Variants in TSSK4 observed in about 807,000 individuals in gnomAD.
TSSK4 encodes the protein testis-specific serine/threonine-protein kinase 4.
Under a neutral mutation model 28.5 loss-of-function variants are expected in TSSK4, and 22 were observed. The ratio of observed to expected loss-of-function variants is 0.77; its 90% CI spans 0.55 to 1.10. The LOEUF is 1.10. TSSK4 is among the 50% of genes least tolerant of loss of function. The probability of loss-of-function intolerance (pLI) is 0.00; values close to 1 mark genes in which losing one functional copy is unlikely to be tolerated. For missense variants in TSSK4, 329 were observed against 415.4 expected (o/e 0.79, Z 1.81); for synonymous variants, 151 against 158.3 (o/e 0.95, Z 0.35).
At position 24,208,031 on chromosome 14, in the gene TSSK4, C is replaced by G. The variant is rs551364396; in HGVS notation, c.902C>G (p.Ser301Cys). 3.1e-6 allele frequency: 5 copies of G among 1,614,198 alleles called. No individual in the cohort carries two copies. The highest frequency in any genetic ancestry group is 4.2e-6 in the Non-Finnish European group (5 of 1,180,036). ...ACCATTCTGGACATCATCAAGGATT[C>G]CTGGGTGCTCAAGTTCCAGCCTGAG... The part of the protein sequence containing the change: ...RATILDIIKD[S>C]WVLKFQPEQP... The change falls in exon 4 of 4, where the codon TCC becomes TGC. Residue 301 changes from serine (S) to cysteine (C), a missense_variant. Ser to Cys is a moderately radical substitution (Grantham distance 112). Transcript: ENST00000339917.
chr14:24,205,866 C>T lies in TSSK4; in HGVS notation c.-58C>T. On this transcript the variant is annotated 5_prime_UTR_variant, in exon 1 of 4. Coordinates refer to ENST00000339917, the MANE Select transcript of TSSK4 (RefSeq NM_001184739.2). The stretch of plus-strand genomic sequence containing the variant: ...AGCCTTCAGCAGCTCAAGGTGTTGG[C>T]CTTTGGATAGGAGGCTTCCAAGTAG... 4 of 1,399,170 alleles carry T rather than the reference C, an allele frequency of 2.9e-6. No individual in the cohort carries two copies. Among genetic ancestry groups the T allele is most frequent in the Non-Finnish European group, 2.0e-6 (2 of 987,170 alleles). The allele number at this position is 1,399,170 out of a possible 1,614,324, so 86.7% of individuals were successfully genotyped here. A position where few individuals can be genotyped will look rare whatever the true frequency, so the allele number is the denominator to read the frequency against.
Position 24,205,980 on chromosome 14 carries a change from C to T in TSSK4, c.57C>T (p.Leu19=). The change falls in exon 1 of 4, where the codon CTC becomes CTT. Residue 19 remains leucine (L), a synonymous_variant. Coordinates refer to ENST00000339917, the MANE Select transcript of TSSK4 (RefSeq NM_001184739.2). ...AAPTTTAYHS[L]MDEYGYEVGK... is the part of the protein sequence containing the mutation. Reference sequence around the variant, plus strand: ...CAACCACCACAGCCTACCATTCCCTCATGGATGAATATGGTTATGAGGTGG... The same window carrying T: ...CAACCACCACAGCCTACCATTCCCTTATGGATGAATATGGTTATGAGGTGG... 1 of 1,614,202 alleles carries T rather than the reference C, an allele frequency of 6.2e-7. No homozygotes were observed. The highest frequency in any genetic ancestry group is 8.5e-7 in the Non-Finnish European group (1 of 1,180,046).
chr14:24,205,711 A>C lies in TSSK4; in HGVS notation c.-213A>C, dbSNP rs2039504799. ...CCAAAAGGAGAAAGTAACAACAGCC[A>C]GTGGAGACAAAAAGAACTGCTTCTC... On this transcript the variant is annotated 5_prime_UTR_variant, in exon 1 of 4. Transcript: ENST00000339917. The C allele has an allele frequency of 8.7e-6, 5 of 577,756 alleles. No individual in the cohort carries two copies. The highest frequency in any genetic ancestry group is 1.6e-5 in the Non-Finnish European group (5 of 322,400). 35.8% of individuals were successfully genotyped at this position (577,756 alleles called of 1,614,324 possible).
At chr14:24,206,278 G>C in intron 1 of TSSK4, 130 bp downstream of exon 1, 1 of 946,500 alleles carries the variant, frequency 1.1e-6, no homozygotes, top group Non-Finnish European at 1.6e-6. Flanking sequence ...TCACTAAGCA[G>C]CTAGGAAACT....
rs760287415 is a variant in TSSK4, at chr14:24,208,057, C to G, written c.928C>G (p.Gln310Glu). 7.4e-6 allele frequency: 12 copies of G among 1,614,104 alleles called. No homozygotes were observed. In the African/African-American group the frequency reaches 1.6e-4, roughly 22 times the overall value. Residue 310 changes from glutamine to glutamate, a missense_variant, in exon 4 of 4, where the codon CAA (glutamine) becomes GAA (glutamate). Gln to Glu is a conservative substitution (Grantham distance 29). Around this residue, in one of 3 missense-constraint regions of TSSK4, gnomAD observed 139 missense variants for 178.1 expected, o/e 0.78. Transcript: ENST00000339917. The part of the protein sequence containing the change: ...DSWVLKFQPE[Q>E]PTHEIRLLEA... ...CTGGGTGCTCAAGTTCCAGCCTGAG[C>G]AACCCACCCATGAGATCAGGCTGCT...
chr14:24,206,436 G>A, intron 1 of TSSK4, 73 bp from the exon 2 acceptor site: 1 of 1,508,544 alleles, frequency 6.6e-7, no homozygotes, highest in Non-Finnish European at 9.2e-7. Flanking sequence ...CAGTAGCTGA[G>A]GGTAGGAGAC....
chr14:24,208,006 A>C lies in TSSK4; in HGVS notation c.877A>C (p.Thr293Pro), dbSNP rs1269581155. Residue 293 changes from threonine (T) to proline (P), a missense_variant, in exon 4 of 4, where the codon ACC becomes CCC. Physicochemically the swap from Thr to Pro is conservative, Grantham distance 38 (BLOSUM62 -1). Transcript: ENST00000339917. ...QMLRQATKRA[T>P]ILDIIKDSWV... ...GCTACGCCAAGCCACTAAGCGTGCC[A>C]CCATTCTGGACATCATCAAGGATTC... The C allele has an allele frequency of 3.1e-6, 5 of 1,614,088 alleles. No individual in the cohort carries two copies. The highest frequency in any genetic ancestry group is 4.2e-6 in the Non-Finnish European group (5 of 1,180,048).
intron 2 of TSSK4, 140 bp downstream of exon 2, chr14:24,206,863 G>A (rs2039527983): frequency 9.6e-7 from 1 of 1,045,344 alleles, no homozygotes. Context: ...TAATCATATG[G>A]TCAAGGATAC....
chr14:24,205,819 AC>A lies in TSSK4; in HGVS notation c.-103del, dbSNP rs760282882. On this transcript the variant is annotated 5_prime_UTR_variant, in exon 1 of 4. Transcript: ENST00000339917. ...TGACTATATAGGCAAGCATTTGGGG[AC>A]CTACTTCACTTTGATACCCTAGCCT... 10 of 793,592 alleles carry A rather than the reference AC, an allele frequency of 1.3e-5. No homozygotes were observed. Among genetic ancestry groups the A allele is most frequent in the Non-Finnish European group, 1.9e-5 (9 of 466,266 alleles). The allele number at this position is 793,592 out of a possible 1,614,324, so 49.2% of individuals were successfully genotyped here.
At chr14:24,206,926 C>T (rs2039528829) in intron 2 of TSSK4, 190 bp from the exon 3 acceptor site, 5 of 986,898 alleles carry the variant, frequency 5.1e-6, no homozygotes, top group African/African-American at 1.6e-5. Context: ...ATGGTGAGCT[C>T]CCGGTGGTCC....
chr14:24,206,532 G>A lies in TSSK4; in HGVS notation c.249G>A (p.Lys83=). 1 of 1,614,218 alleles carries A rather than the reference G, an allele frequency of 6.2e-7. No homozygotes were observed. Among genetic ancestry groups the A allele is most frequent in the Non-Finnish European group, 8.5e-7 (1 of 1,180,034 alleles). Residue 83 remains lysine (K), a synonymous_variant, in exon 2 of 4, where the codon AAG becomes AAA. Coordinates refer to ENST00000339917, the MANE Select transcript of TSSK4 (RefSeq NM_001184739.2). The part of the protein sequence containing the change: ...EIQVMKVLRH[K]YLINFYRAIE... The stretch of plus-strand genomic sequence containing the variant: ...AGGTAATGAAAGTCTTGCGGCACAA[G>A]TACCTCATCAACTTCTATCGGGCCA...
intron 3 of TSSK4, 68 bp from the exon 4 acceptor site, chr14:24,207,896 A>G (rs932014206): frequency 6.2e-6 from 10 of 1,612,146 alleles, no homozygotes; most frequent in Non-Finnish European, 8.5e-6. Context: ...TCTTAGGTCC[A>G]ACTGCTCATT....
In TSSK4 at chr14:24,206,038, G is replaced by A. The variant is rs1477796743; in HGVS notation, c.115G>A (p.Val39Ile). The A allele has an allele frequency of 6.2e-7, 1 of 1,614,230 alleles. No homozygotes were observed. Among genetic ancestry groups the A allele is most frequent in the Non-Finnish European group, 8.5e-7 (1 of 1,180,026 alleles). The stretch of plus-strand genomic sequence containing the variant: ...CATTGGCCATGGCTCCTATGGGTCG[G>A]TATATGAGGCTTTCTACACAAAGCA... ...KAIGHGSYGS[V>I]YEAFYTKQKV... Residue 39 changes from valine (V) to isoleucine (I), a missense_variant, in exon 1 of 4, where the codon GTA becomes ATA. By Grantham distance (29) the Val-to-Ile change is conservative. Coordinates refer to ENST00000339917, the MANE Select transcript of TSSK4 (RefSeq NM_001184739.2).
In TSSK4 at chr14:24,205,840, TA is replaced by T. The variant is rs2039506986; in HGVS notation, c.-83del. ...GGGGACCTACTTCACTTTGATACCC[TA>T]GCCTTCAGCAGCTCAAGGTGTTGGC... On this transcript the variant is annotated 5_prime_UTR_variant, in exon 1 of 4. Coordinates refer to ENST00000339917, the MANE Select transcript of TSSK4 (RefSeq NM_001184739.2). 9.4e-7 allele frequency: 1 copy of T among 1,061,584 alleles called. No homozygotes were observed. Among genetic ancestry groups the T allele is most frequent in the Non-Finnish European group, 1.5e-6 (1 of 689,584 alleles). 65.8% of individuals were successfully genotyped at this position (1,061,584 alleles called of 1,614,324 possible).
rs1468607708 is a variant in TSSK4, at chr14:24,205,958, C to A, written c.35C>A (p.Thr12Asn). ...GKGDVLEAAP[T>N]TTAYHSLMDE... ...GGAGATGTCTTAGAGGCAGCACCAA[C>A]CACCACAGCCTACCATTCCCTCATG... The change falls in exon 1 of 4, where the codon ACC (threonine) becomes AAC (asparagine). Residue 12 changes from threonine (T) to asparagine (N), a missense_variant. By Grantham distance (65) the Thr-to-Asn change is moderately conservative. This residue lies in a region of TSSK4 where 175 missense variants were observed against 196.0 expected (regional missense o/e 0.89). Transcript: ENST00000339917. 1 of 1,614,180 alleles carries A rather than the reference C, an allele frequency of 6.2e-7. No homozygotes were observed. Among genetic ancestry groups the A allele is most frequent in the Non-Finnish European group, 8.5e-7 (1 of 1,180,038 alleles).
Position 24,206,147 on chromosome 14 carries a change from A to C in TSSK4, c.224A>C (p.Gln75Pro). The change falls in exon 1 of 4, where the codon CAG (glutamine) becomes CCG (proline). Residue 75 changes from glutamine to proline, a missense_variant and splice_region_variant. Physicochemically the swap from Gln to Pro is moderately conservative, Grantham distance 76. Coordinates refer to ENST00000339917, the MANE Select transcript of TSSK4 (RefSeq NM_001184739.2). The part of the protein sequence containing the change: ...YLNKFLPREI[Q>P]VMKVLRHKYL... ...AACAAGTTCCTGCCCCGTGAAATAC[A>C]GGTTGGAAAGGGGGCTGGAAGAGGG... 2 of 1,613,722 alleles carry C rather than the reference A, an allele frequency of 1.2e-6. No homozygotes were observed. The highest frequency in any genetic ancestry group is 1.7e-6 in the Non-Finnish European group (2 of 1,179,794).
chr14:24,207,606 G>A, intron 3 of TSSK4, 97 bp downstream of exon 3: 1 of 1,381,826 alleles, frequency 7.2e-7, no homozygotes, highest in Non-Finnish European at 9.8e-7. Flanking sequence ...TCCCAACCCT[G>A]GGGAAAGGCT....
In TSSK4 at chr14:24,207,407, C is replaced by T. The variant is rs138195067; in HGVS notation, c.732C>T (p.Val244=). The change falls in exon 3 of 4, where the codon GTC becomes GTT. Residue 244 remains valine, a synonymous_variant. Transcript: ENST00000339917. The part of the protein sequence containing the change: ...SMGVILYTLV[V]AHLPFDDTNL... ...GCGTCATCCTTTACACTCTAGTGGT[C>T]GCCCATCTGCCCTTTGATGACACCA... 72 of 1,614,008 alleles carry T rather than the reference C, an allele frequency of 4.5e-5. No homozygotes were observed. The highest frequency in any genetic ancestry group is 2.5e-4 in the East Asian group (11 of 44,894).
intron 3 of TSSK4, 73 bp from the exon 4 acceptor site, chr14:24,207,891 G>C: frequency 1.2e-6 from 2 of 1,610,832 alleles, no homozygotes; most frequent in Non-Finnish European, 8.5e-7. Flanking sequence ...TTCTTTCTTA[G>C]GTCCAACTGC....
Sources: allele counts gnomAD v4.1 joint callset, GRCh38; gene constraint gnomAD v4.1.1; regional missense constraint gnomAD v4.1.1; transcripts MANE v1.5; gene names NCBI Gene and HGNC (gene_info 2026-07-23, HGNC 2026-07-21).